GSG1L2: variants seen among roughly 807,000 people sequenced by gnomAD.
GSG1L2 encodes germ cell-specific gene 1-like protein 2.
Under a neutral mutation model 9.0 loss-of-function variants are expected in GSG1L2, and 15 were observed. That is an observed-to-expected ratio of 1.67 (90% confidence interval 1.12 to 2.57). GSG1L2 has a LOEUF of 2.57. GSG1L2 is among the 30% of genes most tolerant of loss of function. GSG1L2 has a pLI of 0.00. For missense variants in GSG1L2, 286 were observed against 150.3 expected, an observed-to-expected ratio of 1.90 and a Z score of -4.72; for synonymous variants, 127 against 57.9, an observed-to-expected ratio of 2.19 and a Z score of -5.41.
At chr17:9,802,988 G>C (rs1377477852) in intron 4 of GSG1L2, among the ~76,000 whole-genome samples, 1 of 152,178 alleles carries the variant, frequency 6.6e-6, no homozygotes, top group African/African-American at 2.4e-5. Context: ...GAGGAATTCA[G>C]TGAGTGAATG....
chr17:9,819,790 G>T (rs146152742), intron 1 of GSG1L2, among the ~76,000 whole-genome samples: 8 of 151,968 alleles, frequency 5.3e-5, no homozygotes, highest in Admixed American at 3.9e-4. Context: ...ACATCACCAC[G>T]CCCAGCTATT....
chr17:9,801,695 G>T lies in GSG1L2; in HGVS notation c.*691C>A. ...GTAATGTTTATTTTTAGAAGCAAAA[G>T]TGGCTGGCGATTTAATTTAAGCAGA... On this transcript the variant is annotated 3_prime_UTR_variant, in exon 5 of 5. Coordinates refer to ENST00000399363, the MANE Select transcript of GSG1L2 (RefSeq NM_001310219.2). 6.6e-6 allele frequency among the ~76,000 whole-genome samples: 1 copy of T among 152,216 alleles called. No homozygotes were observed. The highest frequency in any genetic ancestry group is 3.2e-3 in the Middle Eastern group (1 of 316).
chr17:9,821,561 G>A (rs2066589699), intron 1 of GSG1L2, among the ~76,000 whole-genome samples: 1 of 152,186 alleles, frequency 6.6e-6, no homozygotes, highest in South Asian at 2.1e-4. Context: ...GGCTCAGAGA[G>A]GTGAAGGGAC....
rs1434707957 is a variant in GSG1L2 at position 9,802,491 on chromosome 17, C to T, written c.777G>A (p.Glu259=). The change falls in exon 5 of 5, where the codon GAG becomes GAA. Residue 259 remains glutamate, a synonymous_variant. Transcript: ENST00000399363. ...QHSFLEPEAS[E]SIWKTGAAPC... is the part of the protein sequence containing the mutation. ...GAGCAGCTCCTGTTTTCCAAATGCTCTCCGAAGCCTCGGGTTCCAGGAAGC... is the reference window on the plus strand; with the variant it reads ...GAGCAGCTCCTGTTTTCCAAATGCTTTCCGAAGCCTCGGGTTCCAGGAAGC... The T allele has an allele frequency of 1.4e-6, 1 of 702,630 alleles. No individual in the cohort carries two copies. The highest frequency in any genetic ancestry group is 2.6e-6 in the Non-Finnish European group (1 of 384,942). 43.5% of individuals were successfully genotyped at this position (702,630 alleles called of 1,614,324 possible).
At chr17:9,819,892 T>C (rs1015246593) in intron 1 of GSG1L2, among the ~76,000 whole-genome samples, 10 of 151,760 alleles carry the variant, frequency 6.6e-5, no homozygotes, top group Admixed American at 4.6e-4. Flanking sequence ...GGATTACAGG[T>C]GTGAGCCACC....
rs1441178305 is a variant in GSG1L2, at chr17:9,808,829, C to A, written c.511+1G>T. On this transcript the variant is annotated splice_donor_variant, in intron 3 of 4. Coordinates refer to ENST00000399363, the MANE Select transcript of GSG1L2 (RefSeq NM_001310219.2). LOFTEE classifies it high-confidence loss of function. ...GTTCCAAGGATGCTGTTGGAAAGTA[C>A]CTGCCAGCACCATGAAGATGGCTAC... is the stretch of plus-strand genomic sequence containing the variant. The A allele has an allele frequency of 2.8e-6, 2 of 702,834 alleles. No individual in the cohort carries two copies. Among genetic ancestry groups the A allele is most frequent in the Non-Finnish European group, 5.2e-6 (2 of 384,940 alleles). 43.5% of individuals were successfully genotyped at this position (702,834 alleles called of 1,614,324 possible).
intron 2 of GSG1L2, chr17:9,809,722 G>A (rs948622148): frequency 6.6e-6 from 1 of 152,228 alleles, no homozygotes; most frequent in Non-Finnish European, 1.5e-5. Flanking sequence ...AAAAGTTCCT[G>A]ATTGGTGCGT....
rs970514324 is a variant in GSG1L2 at position 9,801,712 on chromosome 17, T to A, written c.*674A>T. On this transcript the variant is annotated 3_prime_UTR_variant, in exon 5 of 5. Coordinates refer to ENST00000399363, the MANE Select transcript of GSG1L2 (RefSeq NM_001310219.2). ...AAGCAAAAGTGGCTGGCGATTTAAT[T>A]TAAGCAGAACAACTCAAACATGTGT... 2.0e-5 allele frequency among the ~76,000 whole-genome samples: 3 copies of A among 152,234 alleles called. No homozygotes were observed. The highest frequency in any genetic ancestry group is 4.4e-5 in the Non-Finnish European group (3 of 68,038).
Position 9,802,614 on chromosome 17 carries a change from C to T in GSG1L2, c.654G>A (p.Leu218=), listed in dbSNP as rs962520420. The change falls in exon 5 of 5, where the codon CTG becomes CTA. Residue 218 remains leucine (L), a synonymous_variant. Transcript: ENST00000399363. ...TGCTCATGGCCGAGACCGACACAGC[C>T]AGGCAGAGGGCGAAAGAACCCCAGG... is the stretch of plus-strand genomic sequence containing the variant. ...CLAWGSFALC[L]AVSVSAMSRF... 5.7e-6 allele frequency: 4 copies of T among 702,792 alleles called. No individual in the cohort carries two copies. The African/African-American group carries it at 7.0e-5, about 12-fold the overall frequency. The allele number at this position is 702,792 out of a possible 1,614,324, so 43.5% of individuals were successfully genotyped here.
At chr17:9,816,890 G>GTATCTGTGTGTGTGTCTC (rs1207457351) in intron 1 of GSG1L2, among the ~76,000 whole-genome samples, 2 of 140,228 alleles carry the variant, frequency 1.4e-5, no homozygotes, top group Admixed American at 1.5e-4. Flanking sequence ...ATCTGTGTGT[G>GTATCTGTGTGTGTGTCTC]TGTATCTGTG....
At chr17:9,803,349 C>T (rs866874577) in intron 4 of GSG1L2, among the ~76,000 whole-genome samples, 18 of 152,274 alleles carry the variant, frequency 1.2e-4, no homozygotes, top group Middle Eastern at 6.8e-3. Flanking sequence ...GTGATCCGCC[C>T]GCCTTGGCCT....
chr17:9,806,174 G>A (rs1407818881), intron 4 of GSG1L2, among the ~76,000 whole-genome samples: 10 of 152,126 alleles, frequency 6.6e-5, no homozygotes, highest in Admixed American at 6.6e-4. Context: ...TTTCCCCATT[G>A]CCAATCACCT....
chr17:9,818,367 CT>C (rs1567711916), intron 1 of GSG1L2, among the ~76,000 whole-genome samples: 3 of 152,012 alleles, frequency 2.0e-5, no homozygotes, highest in Non-Finnish European at 4.4e-5. Flanking sequence ...GAGTTTCGCT[CT>C]TGTTGCCCAA....
chr17:9,809,273 C>T, intron 2 of GSG1L2: 1 of 400,578 alleles, frequency 2.5e-6, no homozygotes, highest in Non-Finnish European at 4.7e-6. Context: ...GTCTCCATGC[C>T]CTAGCTCAAA....
At chr17:9,807,414 C>A in intron 4 of GSG1L2, 76 bp downstream of exon 4, 1 of 693,830 alleles carries the variant, frequency 1.4e-6, no homozygotes, top group Non-Finnish European at 2.6e-6. Context: ...GGTTGGTCAT[C>A]CTACAAAACA....
intron 4 of GSG1L2, among the ~76,000 whole-genome samples, chr17:9,802,872 A>G (rs962737564): frequency 6.6e-6 from 1 of 152,002 alleles, no homozygotes; most frequent in South Asian, 2.1e-4. Context: ...TCGTGGCCCC[A>G]CCTTGTATTA....
chr17:9,809,226 G>T (rs1393382701), intron 2 of GSG1L2: 3 of 486,330 alleles, frequency 6.2e-6, no homozygotes, highest in South Asian at 4.2e-5. Context: ...GGGAAACTAA[G>T]CAAAACCCTG....
chr17:9,816,735 ATGTG>A (rs76425342), intron 1 of GSG1L2, among the ~76,000 whole-genome samples: 17,693 of 122,728 alleles, frequency 0.14, 1,338 homozygotes, highest in Middle Eastern at 0.23. Context: ...CTGTGTGTGC[ATGTG>A]TGTATCTGTG....
At chr17:9,815,898 G>A (rs565478187) in intron 1 of GSG1L2, among the ~76,000 whole-genome samples, 1 of 152,234 alleles carries the variant, frequency 6.6e-6, no homozygotes, top group South Asian at 2.1e-4. Context: ...CATGAAGGCT[G>A]TGCTCTCGTG....
Sources: allele counts gnomAD v4.1 joint callset (sites outside exome capture counted in the v4.1 genomes callset), GRCh38; gene constraint gnomAD v4.1.1; transcripts MANE v1.5; gene names NCBI Gene and HGNC (gene_info 2026-07-23, HGNC 2026-07-21).